RAPGEF6: variants seen among roughly 807,000 people sequenced by gnomAD.
RAPGEF6 encodes Rap guanine nucleotide exchange factor 6.
A neutral mutation model predicts 171.4 loss-of-function variants in RAPGEF6; 56 were observed. That is an observed-to-expected ratio of 0.33 (90% confidence interval 0.26 to 0.41). RAPGEF6 has a LOEUF of 0.41. Ranked by LOEUF, RAPGEF6 falls within the 10% of genes least tolerant of loss-of-function variation. RAPGEF6 has a pLI of 1.00. For synonymous variants in RAPGEF6, 692 were observed against 650.1 expected, an observed-to-expected ratio of 1.06 and a Z score of -0.98; for missense variants, 1,674 against 1,921.4, an observed-to-expected ratio of 0.87 and a Z score of 2.41.
At chr5:131,599,329 A>C (rs980515448) in intron 3 of RAPGEF6, among the ~76,000 whole-genome samples, 2 of 152,076 alleles carry the variant, frequency 1.3e-5, no homozygotes, top group African/African-American at 4.8e-5. Flanking sequence ...TCTGTCTCAA[A>C]AACAAAAAAC....
intron 1 of RAPGEF6, among the ~76,000 whole-genome samples, chr5:131,620,997 T>G (rs1765562171): frequency 6.6e-6 from 1 of 152,206 alleles, no homozygotes; most frequent in South Asian, 2.1e-4. Context: ...TCCTGACAAT[T>G]CCTCCAGCTT....
At position 131,504,475 on chromosome 5, in the gene RAPGEF6, A is replaced by T. The variant is rs189166137; in HGVS notation, c.1254+151T>A. The T allele has an allele frequency of 1.1e-3, 924 of 839,966 alleles. 9 individuals carry two copies. In the African/African-American group the frequency reaches 0.014, roughly 13 times the overall value. The allele number at this position is 839,966 out of a possible 1,614,324, so 52.0% of individuals were successfully genotyped here. ...AGACTCCATCACAAAAAAAAAAAAA[A>T]TTTTAGAGAAAGACAAAGAGTCAAC... is the stretch of plus-strand genomic sequence containing the variant. On this transcript the variant is annotated intron_variant, in intron 11 of 27. Transcript: ENST00000509018.
At chr5:131,600,457 G>A (rs551642937) in intron 3 of RAPGEF6, among the ~76,000 whole-genome samples, 2 of 151,740 alleles carry the variant, frequency 1.3e-5, no homozygotes, top group South Asian at 4.2e-4. Flanking sequence ...AGGAGGCGGA[G>A]GTTGTAGTAA....
At chr5:131,619,640 A>T (rs918589895) in intron 1 of RAPGEF6, among the ~76,000 whole-genome samples, 1 of 152,178 alleles carries the variant, frequency 6.6e-6, no homozygotes, top group African/African-American at 2.4e-5. Flanking sequence ...TTCTGATCCT[A>T]CCATGCATTA....
chr5:131,504,694 T>G lies in RAPGEF6; in HGVS notation c.1186A>C (p.Ile396Leu). Reference sequence around the variant, plus strand: ...TCCCGATGCTCATGTACCATAACAATTTCTCCCTCTTCCTCAACTTTATGG... The same window carrying G: ...TCCCGATGCTCATGTACCATAACAAGTTCTCCCTCTTCCTCAACTTTATGG... ...NTHKVEEEGE[I>L]VMVHEHRELD... The change falls in exon 11 of 28, where the codon ATT (isoleucine) becomes CTT (leucine). Residue 396 changes from isoleucine to leucine, a missense_variant. Ile to Leu is a conservative substitution (Grantham distance 5). Around this residue, in one of 3 missense-constraint regions of RAPGEF6, gnomAD observed 1,116 missense variants for 1,321.5 expected, o/e 0.84. Transcript: ENST00000509018. The G allele has an allele frequency of 6.2e-7, 1 of 1,614,036 alleles. No individual in the cohort carries two copies. Among genetic ancestry groups the G allele is most frequent in the Non-Finnish European group, 8.5e-7 (1 of 1,179,974 alleles).
At chr5:131,569,964 C>T (rs1330959930) in intron 4 of RAPGEF6, among the ~76,000 whole-genome samples, 1 of 149,446 alleles carries the variant, frequency 6.7e-6, no homozygotes, top group Non-Finnish European at 1.5e-5. Flanking sequence ...ATTGCTTGAC[C>T]CCGGGAGGCA....
intron 1 of RAPGEF6, among the ~76,000 whole-genome samples, chr5:131,628,472 A>G (rs2150041628): frequency 6.6e-6 from 1 of 152,284 alleles, no homozygotes; most frequent in Middle Eastern, 3.4e-3. Context: ...AGCTGGTGGA[A>G]GTTGGTTCAT....
rs1282317692 is a variant in RAPGEF6, at chr5:131,446,491, T to C, written c.3413A>G (p.Tyr1138Cys). The C allele has an allele frequency of 1.2e-6, 2 of 1,613,578 alleles. No homozygotes were observed. Among genetic ancestry groups the C allele is most frequent in the Non-Finnish European group, 1.7e-6 (2 of 1,179,716 alleles). The change falls in exon 22 of 28, where the codon TAT becomes TGT. Residue 1138 changes from tyrosine to cysteine, a missense_variant. Tyr to Cys is a radical substitution (Grantham distance 194, BLOSUM62 -2). This residue lies in a region of RAPGEF6 where 552 missense variants were observed against 574.2 expected (regional missense o/e 0.96). Coordinates refer to ENST00000509018, the MANE Select transcript of RAPGEF6 (RefSeq NM_016340.6). ...QMMSLQWEPA[Y>C]GTLTKNLSEK... ...TGAAAACTTGTACTCACAGGTACCA[T>C]ATGCAGGCTCCCACTGTAATGACAT...
intron 24 of RAPGEF6, among the ~76,000 whole-genome samples, chr5:131,438,596 G>T (rs1375282653): frequency 6.6e-6 from 1 of 152,066 alleles, no homozygotes; most frequent in Non-Finnish European, 1.5e-5. Flanking sequence ...TTCTTTCCAG[G>T]GTACACACAG....
At chr5:131,432,612 C>A (rs981265992) in intron 25 of RAPGEF6, among the ~76,000 whole-genome samples, 2 of 151,662 alleles carry the variant, frequency 1.3e-5, no homozygotes, top group African/African-American at 2.4e-5. Context: ...GAGTGACACT[C>A]TGTCTCACAG....
At chr5:131,589,336 G>A (rs1409717644) in intron 4 of RAPGEF6, among the ~76,000 whole-genome samples, 1 of 152,098 alleles carries the variant, frequency 6.6e-6, no homozygotes, top group Non-Finnish European at 1.5e-5. Context: ...AGATATTGAA[G>A]GTAAACTTTA....
At position 131,428,946 on chromosome 5, in the gene RAPGEF6, T is replaced by C. The variant is rs767303280; in HGVS notation, c.4736A>G (p.His1579Arg). ...ATCAGTCACATCTCCTAGTTTAGGA[T>C]GGAATGGCTGCAAATTATGCCTCTG... is the stretch of plus-strand genomic sequence containing the variant. ...QPQRHNLQPF[H>R]PKLGDVTDAD... Residue 1579 changes from histidine (H) to arginine (R), a missense_variant, in exon 27 of 28, where the codon CAT (histidine) becomes CGT (arginine). Coordinates refer to ENST00000509018, the MANE Select transcript of RAPGEF6 (RefSeq NM_016340.6). 8 of 1,614,084 alleles carry C rather than the reference T, an allele frequency of 5.0e-6. No homozygotes were observed. The highest frequency in any genetic ancestry group is 1.1e-5 in the South Asian group (1 of 91,094).
At chr5:131,508,987 T>C (rs1163378524) in intron 8 of RAPGEF6, among the ~76,000 whole-genome samples, 1 of 152,220 alleles carries the variant, frequency 6.6e-6, no homozygotes, top group Non-Finnish European at 1.5e-5. Context: ...ATCTTTAGAA[T>C]GGCAAGGAAT....
intron 19 of RAPGEF6, among the ~76,000 whole-genome samples, chr5:131,458,282 G>C (rs189591109): frequency 6.6e-6 from 1 of 152,262 alleles, no homozygotes; most frequent in African/African-American, 2.4e-5. Context: ...TAATCAGTGA[G>C]TTCTCAAGAG....
rs767400578 is a variant in RAPGEF6, at chr5:131,450,038, C to T, written c.3200+3016G>A. On this transcript the variant is annotated intron_variant, in intron 21 of 27. Transcript: ENST00000509018. ...CTACACTTACCCCAGACTCCGCCAC[C>T]TCTTCTTCCTGTAAGCAAGAGCCAC... 2.9e-5 allele frequency: 45 copies of T among 1,543,872 alleles called. No homozygotes were observed. Among genetic ancestry groups the T allele is most frequent in the Non-Finnish European group, 3.8e-5 (44 of 1,150,140 alleles).
chr5:131,635,014 T>A lies in RAPGEF6; in HGVS notation c.17A>T (p.Asp6Val). ...CCTCAACGCCTGCCTAGCGCCAGGG[T>A]CCACGGGTGAGTTCATGGCCACGGC... MNSPV[D>V]PGARQALRKK... is the part of the protein sequence containing the mutation. Residue 6 changes from aspartate to valine, a missense_variant, in exon 1 of 28, where the codon GAC (aspartate) becomes GTC (valine). By Grantham distance (152) the Asp-to-Val change is radical (BLOSUM62 -3). This residue lies in a region of RAPGEF6 where 1,116 missense variants were observed against 1,321.5 expected (regional missense o/e 0.84). Transcript: ENST00000509018. 1 of 1,612,740 alleles carries A rather than the reference T, an allele frequency of 6.2e-7. No individual in the cohort carries two copies. Among genetic ancestry groups the A allele is most frequent in the South Asian group, 1.1e-5 (1 of 91,064 alleles).
intron 16 of RAPGEF6, among the ~76,000 whole-genome samples, chr5:131,475,519 T>A (rs551887971): frequency 7.6e-4 from 115 of 152,232 alleles, no homozygotes; most frequent in Middle Eastern, 3.4e-3. Context: ...AAAATATAAT[T>A]CCAGTTAAGC....
At chr5:131,545,468 G>C (rs1760459956) in intron 6 of RAPGEF6, among the ~76,000 whole-genome samples, 1 of 151,516 alleles carries the variant, frequency 6.6e-6, no homozygotes, top group Non-Finnish European at 1.5e-5. Context: ...GATTCCTCCT[G>C]ATCTTTTTCT....
intron 8 of RAPGEF6, among the ~76,000 whole-genome samples, chr5:131,509,862 A>G (rs1244366853): frequency 1.3e-5 from 2 of 152,210 alleles, no homozygotes; most frequent in Non-Finnish European, 2.9e-5. Context: ...AGAATTTAGC[A>G]GAAGTGATGA....
Sources: allele counts gnomAD v4.1 joint callset (sites outside exome capture counted in the v4.1 genomes callset), GRCh38; gene constraint gnomAD v4.1.1; regional missense constraint gnomAD v4.1.1; transcripts MANE v1.5; gene names NCBI Gene and HGNC (gene_info 2026-07-23, HGNC 2026-07-21).